HHLA2: variants seen among roughly 807,000 people sequenced by gnomAD.
The protein encoded by HHLA2 is HERV-H LTR-associating protein 2.
A neutral mutation model predicts 45.9 loss-of-function variants in HHLA2; 48 were observed. The observed-to-expected ratio is 1.05, with a 90% CI of 0.83 to 1.33. The LOEUF (loss-of-function observed/expected upper bound fraction) is 1.33, where lower values mean the gene tolerates loss of function less well. HHLA2 is among the 40% of genes most tolerant of loss of function. HHLA2 has a pLI of 0.00. For synonymous variants in HHLA2, 161 were observed against 173.9 expected, an observed-to-expected ratio of 0.93 and a Z score of 0.59; for missense variants, 462 against 494.3, an observed-to-expected ratio of 0.93 and a Z score of 0.62.
intron 3 of HHLA2, among the ~76,000 whole-genome samples, chr3:108,333,967 G>A (rs1576131494): frequency 1.3e-5 from 2 of 152,170 alleles, no homozygotes; most frequent in East Asian, 3.8e-4. Flanking sequence ...TTCTGCTTCA[G>A]GACCCAGAAG....
intron 8 of HHLA2, among the ~76,000 whole-genome samples, chr3:108,364,074 T>TATCA (rs2082024541): frequency 6.6e-6 from 1 of 152,034 alleles, no homozygotes; most frequent in African/African-American, 2.4e-5. Flanking sequence ...TTGCTGCACC[T>TATCA]ATCAACCTGT....
At chr3:108,307,241 A>G (rs1342390394) in intron 1 of HHLA2, among the ~76,000 whole-genome samples, 2 of 152,100 alleles carry the variant, frequency 1.3e-5, no homozygotes, top group Non-Finnish European at 2.9e-5. Context: ...ATTGTATTCT[A>G]CCTCTTTGTA....
intron 1 of HHLA2, among the ~76,000 whole-genome samples, chr3:108,310,284 A>T (rs2080998083): frequency 6.6e-6 from 1 of 152,198 alleles, no homozygotes; most frequent in African/African-American, 2.4e-5. Flanking sequence ...TCTTACATGA[A>T]TAAAAAGCAA....
chr3:108,360,631 G>T (rs1224917927), intron 7 of HHLA2, among the ~76,000 whole-genome samples: 5 of 152,228 alleles, frequency 3.3e-5, no homozygotes, highest in Admixed American at 2.0e-4. Flanking sequence ...GTACAACGTG[G>T]ATATGCCGGA....
chr3:108,327,979 A>G (rs1012633285), intron 2 of HHLA2, among the ~76,000 whole-genome samples: 23 of 152,130 alleles, frequency 1.5e-4, no homozygotes, highest in Admixed American at 1.0e-3. Flanking sequence ...CTAAAAATAC[A>G]AAAATTAGCA....
chr3:108,325,932 G>T, intron 2 of HHLA2: 1 of 385,684 alleles, frequency 2.6e-6, no homozygotes, highest in Non-Finnish European at 5.0e-6. Context: ...CTTATTTCAT[G>T]ATTGTGGCCA....
rs1447017604 is a variant in HHLA2 at position 108,376,706 on chromosome 3, G to GA, written c.1224+154dup. 14 of 579,280 alleles carry GA rather than the reference G, an allele frequency of 2.4e-5. 1 individual carries two copies. In the Admixed American group the frequency reaches 4.7e-4, roughly 19 times the overall value. 35.9% of individuals were successfully genotyped at this position (579,280 alleles called of 1,614,324 possible). ...CAGGGGTTGCAGGATAATATAGCAC[G>GA]AAAAATATAATTAGGCTTTTCCCAA... On this transcript the variant is annotated intron_variant, in intron 10 of 10. Transcript: ENST00000619531.
chr3:108,327,497 T>A (rs756719386), intron 2 of HHLA2, among the ~76,000 whole-genome samples: 3 of 152,202 alleles, frequency 2.0e-5, no homozygotes, highest in Non-Finnish European at 2.9e-5. Context: ...GTTCCATCCT[T>A]TTGTTTCTCT....
At chr3:108,358,035 G>A (rs1378626248) in exon 7 of HHLA2, 3 of 1,613,728 alleles carry the variant, frequency 1.9e-6, no homozygotes, top group Admixed American at 1.7e-5. Context: ...ATGGAACAAA[G>A]AGCTGATAAA....
chr3:108,338,098 G>T (rs562895154), intron 3 of HHLA2, among the ~76,000 whole-genome samples: 1 of 151,406 alleles, frequency 6.6e-6, no homozygotes, highest in Non-Finnish European at 1.5e-5. Flanking sequence ...TATATGTAGC[G>T]ATACCTGTCT....
intron 2 of HHLA2, chr3:108,326,456 C>T (rs1255764588): frequency 6.6e-6 from 1 of 152,242 alleles, no homozygotes; most frequent in Non-Finnish European, 1.5e-5. Context: ...TTATTCACTA[C>T]CATGAGAACT....
chr3:108,356,029 C>CTTTTTTTTTTTTTTTTTTTTTTTTTTT (rs3053487), intron 6 of HHLA2, among the ~76,000 whole-genome samples: 1 of 118,228 alleles, frequency 8.5e-6, no homozygotes, highest in Non-Finnish European at 1.7e-5. Context: ...ATTTGTTTTC[C>CTTTTTTTTTTTTTTTTTTTTTTTTTTT]TTTTTTTTTT....
At chr3:108,363,590 A>T (rs144193372) in intron 8 of HHLA2, among the ~76,000 whole-genome samples, 223 of 152,288 alleles carry the variant, frequency 1.5e-3, no homozygotes, top group African/African-American at 5.0e-3. Context: ...TCGTACTAAT[A>T]AGCAGGATAG....
At chr3:108,324,414 T>C (rs1179276890) in intron 2 of HHLA2, among the ~76,000 whole-genome samples, 1 of 152,188 alleles carries the variant, frequency 6.6e-6, no homozygotes, top group Non-Finnish European at 1.5e-5. Context: ...ACTTTTAATA[T>C]TTTTGTGAAA....
At chr3:108,356,667 T>C (rs970559856) in intron 6 of HHLA2, among the ~76,000 whole-genome samples, 5 of 152,262 alleles carry the variant, frequency 3.3e-5, no homozygotes, top group African/African-American at 1.2e-4. Context: ...AACAGTTCTT[T>C]AGGCTCAGTA....
chr3:108,365,588 G>A (rs933485166), intron 8 of HHLA2, among the ~76,000 whole-genome samples: 1 of 152,204 alleles, frequency 6.6e-6, no homozygotes, highest in Non-Finnish European at 1.5e-5. Context: ...ACTTTGGGCA[G>A]TATGGCCATT....
chr3:108,328,144 A>AT, intron 2 of HHLA2: 1 of 513,300 alleles, frequency 1.9e-6, no homozygotes, highest in Non-Finnish European at 3.3e-6. Flanking sequence ...AAGAAAAAAA[A>AT]AAAGTTGTAG....
chr3:108,311,030 T>C (rs114462298), intron 2 of HHLA2, among the ~76,000 whole-genome samples: 2,601 of 152,326 alleles, frequency 0.017, 85 homozygotes, highest in African/African-American at 0.06. Context: ...CTGTTGTTTC[T>C]CACTTTACCA....
At chr3:108,300,520 G>C (rs772590498) in intron 1 of HHLA2, among the ~76,000 whole-genome samples, 1 of 152,160 alleles carries the variant, frequency 6.6e-6, no homozygotes, top group Non-Finnish European at 1.5e-5. Flanking sequence ...GGTTTGCTGG[G>C]GCTTCCAGGA....
Sources: gnomAD v4.1 joint callset for allele counts (sites outside exome capture counted in the v4.1 genomes callset) on GRCh38, gnomAD v4.1.1 for gene constraint, MANE v1.5 for transcripts, NCBI Gene and HGNC (gene_info 2026-07-23, HGNC 2026-07-21) for gene names.